The following SHTN1 variants were observed in gnomAD, a reference collection of about 807,000 sequenced individuals.
SHTN1 encodes shootin 1, also known as shootin-1.
SHTN1 carries 42 observed loss-of-function variants against 83.1 expected under a neutral mutation model. That is an observed-to-expected ratio of 0.51 (90% CI 0.39 to 0.65). SHTN1 has a LOEUF of 0.65. SHTN1 is among the 30% of genes least tolerant of loss of function. SHTN1 has a pLI of 0.00. For synonymous variants in SHTN1, 224 were observed against 247.7 expected (o/e 0.90, Z 0.90); for missense variants, 622 against 737.8 (o/e 0.84, Z 1.82).
intron 2 of SHTN1, among the ~76,000 whole-genome samples, chr10:117,041,533 T>C (rs1041673802): frequency 1.3e-5 from 2 of 152,158 alleles, no homozygotes; most frequent in Admixed American, 6.5e-5. Flanking sequence ...GTGACAGGCA[T>C]TGCTTCATAC....
At chr10:116,997,623 G>A (rs1384491743) in intron 1 of SHTN1, among the ~76,000 whole-genome samples, 2 of 152,158 alleles carry the variant, frequency 1.3e-5, no homozygotes, top group East Asian at 3.9e-4. Context: ...GACCACAGAG[G>A]TAAAACGCCA....
chr10:116,979,451 T>C lies in SHTN1; in HGVS notation c.59-143A>G, dbSNP rs193249237. ...GGCTGCAGAAAAGGGGCTTCTGCTT[T>C]TTATTTTTTTTATTTTGTAGAGACA... On this transcript the variant is annotated intron_variant, in intron 1 of 16. Coordinates refer to ENST00000355371, the MANE Select transcript of SHTN1 (RefSeq NM_001127211.3). 775 of 645,132 alleles carry C rather than the reference T, an allele frequency of 1.2e-3. 4 individuals carry two copies. Among genetic ancestry groups the C allele is most frequent in the Non-Finnish European group, 1.5e-3 (559 of 370,184 alleles). 40.0% of individuals were successfully genotyped at this position (645,132 alleles called of 1,614,324 possible).
At chr10:116,921,988 C>T (rs906676048) in intron 11 of SHTN1, among the ~76,000 whole-genome samples, 1 of 152,160 alleles carries the variant, frequency 6.6e-6, no homozygotes, top group Non-Finnish European at 1.5e-5. Flanking sequence ...AACATATTTA[C>T]ATCACTCTCT....
At chr10:116,892,429 CACA>C (rs1354280944) in intron 16 of SHTN1, among the ~76,000 whole-genome samples, 1 of 152,138 alleles carries the variant, frequency 6.6e-6, no homozygotes, top group East Asian at 1.9e-4. Flanking sequence ...TATAATTCTG[CACA>C]ACATTAAGTC....
At chr10:116,980,853 T>C (rs1850989707) in intron 1 of SHTN1, among the ~76,000 whole-genome samples, 3 of 152,186 alleles carry the variant, frequency 2.0e-5, no homozygotes, top group Non-Finnish European at 2.9e-5. Context: ...CAAATTTAAA[T>C]TGGCGAATAT....
intron 15 of SHTN1, among the ~76,000 whole-genome samples, chr10:116,902,296 C>G (rs913502207): frequency 1.3e-5 from 2 of 152,154 alleles, no homozygotes; most frequent in Non-Finnish European, 2.9e-5. Flanking sequence ...CAGCCCTACT[C>G]GAACCATTTC....
intron 2 of SHTN1, among the ~76,000 whole-genome samples, chr10:117,036,510 T>C (rs1313502928): frequency 6.6e-6 from 1 of 152,200 alleles, no homozygotes; most frequent in Non-Finnish European, 1.5e-5. Context: ...CTGGAACTCA[T>C]GTTAAGTGAA....
intron 1 of SHTN1, among the ~76,000 whole-genome samples, chr10:117,112,099 G>A (rs1853776379): frequency 6.6e-6 from 1 of 152,102 alleles, no homozygotes; most frequent in African/African-American, 2.4e-5. Context: ...CCAAGTAGCT[G>A]GAATTACAGG....
At chr10:117,012,760 A>C (rs1054428399) in intron 2 of SHTN1, among the ~76,000 whole-genome samples, 2 of 152,246 alleles carry the variant, frequency 1.3e-5, no homozygotes, top group Non-Finnish European at 2.9e-5. Flanking sequence ...ATTTTATGAA[A>C]GATAAAAGAA....
chr10:117,043,158 G>C (rs1398440388), intron 2 of SHTN1, among the ~76,000 whole-genome samples: 1 of 141,028 alleles, frequency 7.1e-6, no homozygotes, highest in Non-Finnish European at 1.6e-5. Flanking sequence ...TTTTTAAATG[G>C]AGTCTCGCTC....
At chr10:117,104,859 A>AAAGTGAAAATCT (rs1211635690) in intron 1 of SHTN1, among the ~76,000 whole-genome samples, 3 of 151,874 alleles carry the variant, frequency 2.0e-5, no homozygotes, top group African/African-American at 7.3e-5. Flanking sequence ...AATAGTCTCC[A>AAAGTGAAAATCT]AAGTGAAAAT....
At chr10:117,108,097 A>G (rs538349149) in intron 1 of SHTN1, among the ~76,000 whole-genome samples, 9 of 152,148 alleles carry the variant, frequency 5.9e-5, no homozygotes, top group Non-Finnish European at 1.2e-4. Flanking sequence ...TCTGATTACT[A>G]TTTTTGTTTC....
chr10:117,071,030 C>T (rs77911460), intron 1 of SHTN1, among the ~76,000 whole-genome samples: 3,566 of 151,668 alleles, frequency 0.024, 127 homozygotes, highest in East Asian at 0.12. Flanking sequence ...TATAATTTTT[C>T]TTAATTTTAA....
At chr10:117,008,667 T>G (rs72833424), upstream of SHTN1, among the ~76,000 whole-genome samples, 49 of 152,232 alleles carry the variant, frequency 3.2e-4, 1 homozygote, top group Non-Finnish European at 5.9e-4. Context: ...GAAAGTTGAT[T>G]GGTGAGTATC....
intron 1 of SHTN1, among the ~76,000 whole-genome samples, chr10:117,109,574 T>TTTTTTTTTTTTTTTG (rs1171050520): frequency 9.6e-6 from 1 of 104,092 alleles, no homozygotes; most frequent in Non-Finnish European, 1.9e-5. Context: ...TTTTTTTTTT[T>TTTTTTTTTTTTTTTG]TTTTTTTTGA....
intron 2 of SHTN1, among the ~76,000 whole-genome samples, chr10:117,026,263 T>C (rs1007530238): frequency 1.3e-5 from 2 of 152,166 alleles, no homozygotes; most frequent in African/African-American, 4.8e-5. Context: ...TTAGGGAACA[T>C]TGACAGTAGT....
chr10:116,960,054 C>A, intron 4 of SHTN1, 82 bp downstream of exon 4: 1 of 797,850 alleles, frequency 1.3e-6, no homozygotes, highest in Non-Finnish European at 2.1e-6. Context: ...AGTAGAAAAG[C>A]AAAACCAGAT....
intron 12 of SHTN1, among the ~76,000 whole-genome samples, chr10:116,916,481 T>C (rs1589803942): frequency 6.6e-6 from 1 of 152,190 alleles, no homozygotes; most frequent in African/African-American, 2.4e-5. Context: ...ACTCAACAAG[T>C]TTCTACTGAC....
rs1018722299 is a variant in SHTN1 at position 117,020,451 on chromosome 10, G to T, written c.-123+27994C>A. Among the ~76,000 whole-genome samples, 11 of 150,412 alleles carry T rather than the reference G, an allele frequency of 7.3e-5. 1 individual carries two copies. The highest frequency in any genetic ancestry group is 1.3e-4 in the Non-Finnish European group (9 of 67,812). ...AGTGGCAGAGGTTGCAGTGAGCTGA[G>T]ATGGTGTCACTGCCCTCCAGCCTGG... On this transcript the variant is annotated intron_variant, in intron 2 of 17. Coordinates refer to the SHTN1 transcript ENST00000392901.
Sources: gnomAD v4.1 joint callset for allele counts (sites outside exome capture counted in the v4.1 genomes callset) on GRCh38, gnomAD v4.1.1 for gene constraint, MANE v1.5 for transcripts, NCBI Gene and HGNC (gene_info 2026-07-23, HGNC 2026-07-21) for gene names.